RBFOX1: variants seen among roughly 807,000 people sequenced by gnomAD.
RBFOX1 encodes the protein RNA binding protein fox-1 homolog 1.
RBFOX1 carries 8 observed loss-of-function variants against 57.7 expected under a neutral mutation model. The ratio of observed to expected loss-of-function variants is 0.14; its 90% CI spans 0.08 to 0.25. The LOEUF is 0.25. Ranked by LOEUF, RBFOX1 falls within the 10% of genes least tolerant of loss-of-function variation. The pLI, the probability that RBFOX1 is intolerant of heterozygous loss-of-function variation, is 1.00. For missense variants in RBFOX1, 611 were observed against 548.5 expected (o/e 1.11, Z -1.14); for synonymous variants, 326 against 222.4 (o/e 1.47, Z -4.15).
Position 7,104,080 on chromosome 16 carries a change from A to G in RBFOX1, c.27+51982A>G, listed in dbSNP as rs549983692. ...GTTCGTTACTAAAAGCAATCCTGCA[A>G]TCCCACAGATGTCAGAATAGTAATT... On this transcript the variant is annotated intron_variant, in intron 4 of 15. Transcript: ENST00000550418. 3.3e-5 allele frequency among the ~76,000 whole-genome samples: 5 copies of G among 152,312 alleles called. No individual in the cohort carries two copies. In the East Asian group the frequency reaches 7.7e-4, roughly 23 times the overall value.
At chr16:5,786,341 A>T (rs1159790962) in intron 3 of RBFOX1, among the ~76,000 whole-genome samples, 1 of 152,032 alleles carries the variant, frequency 6.6e-6, no homozygotes, top group Non-Finnish European at 1.5e-5. Flanking sequence ...GGGCCCTTCC[A>T]GCTGTCCCTT....
At chr16:5,339,244 G>T (rs939396861) in intron 1 of RBFOX1, among the ~76,000 whole-genome samples, 1 of 151,964 alleles carries the variant, frequency 6.6e-6, no homozygotes. Context: ...ACATATCCAT[G>T]ATATTCCAGT....
chr16:6,480,224 T>A (rs2095351541), intron 2 of RBFOX1, among the ~76,000 whole-genome samples: 1 of 152,208 alleles, frequency 6.6e-6, no homozygotes, highest in Non-Finnish European at 1.5e-5. Flanking sequence ...GATACACATG[T>A]ACACACATAT....
chr16:7,526,512 C>G (rs1028507846), intron 5 of RBFOX1, among the ~76,000 whole-genome samples: 3 of 152,146 alleles, frequency 2.0e-5, no homozygotes, highest in Non-Finnish European at 4.4e-5. Context: ...GATCTCCTCC[C>G]TTTTTTCTTC....
chr16:6,804,013 T>C (rs1432933090), intron 3 of RBFOX1, among the ~76,000 whole-genome samples: 2 of 150,902 alleles, frequency 1.3e-5, no homozygotes, highest in Non-Finnish European at 3.0e-5. Flanking sequence ...CTCATACAAT[T>C]TTTTTTTTTT....
intron 3 of RBFOX1, among the ~76,000 whole-genome samples, chr16:5,687,142 C>G (rs976556303): frequency 4.6e-5 from 7 of 152,094 alleles, no homozygotes; most frequent in South Asian, 2.1e-4. Context: ...TATAGCAATG[C>G]AAAATGGACT....
At chr16:5,784,109 A>C (rs1285389084) in intron 3 of RBFOX1, among the ~76,000 whole-genome samples, 1 of 152,140 alleles carries the variant, frequency 6.6e-6, no homozygotes, top group Non-Finnish European at 1.5e-5. Context: ...GGAAACCTAC[A>C]CTCACGGCAG....
chr16:5,957,106 C>G (rs2059658728), intron 4 of RBFOX1, among the ~76,000 whole-genome samples: 1 of 152,198 alleles, frequency 6.6e-6, no homozygotes, highest in Admixed American at 6.5e-5. Context: ...CGAAGAGCCA[C>G]TTATTAAATG....
chr16:7,642,709 C>A (rs184001221), intron 11 of RBFOX1, among the ~76,000 whole-genome samples: 10 of 151,864 alleles, frequency 6.6e-5, no homozygotes, highest in African/African-American at 2.4e-4. Flanking sequence ...CCGTGGTTTC[C>A]CGGGAAACAA....
At chr16:6,011,852 GATC>G (rs2094963059) in intron 4 of RBFOX1, among the ~76,000 whole-genome samples, 1 of 152,176 alleles carries the variant, frequency 6.6e-6, no homozygotes, top group Non-Finnish European at 1.5e-5. Context: ...GGACAGTGGT[GATC>G]TTGTCATCTT....
exon 1 of RBFOX1, chr16:5,240,086 C>G (rs758223762): frequency 5.2e-6 from 8 of 1,530,092 alleles, no homozygotes; most frequent in Admixed American, 2.0e-5. Context: ...GGCACCCAGA[C>G]AGGTGGCGAC....
At chr16:7,624,223 T>C (rs527863248) in intron 10 of RBFOX1, among the ~76,000 whole-genome samples, 1 of 152,232 alleles carries the variant, frequency 6.6e-6, no homozygotes, top group Non-Finnish European at 1.5e-5. Context: ...GCTTTTTCTT[T>C]ATGTAGAATC....
chr16:6,982,068 T>C (rs969206652), intron 3 of RBFOX1, among the ~76,000 whole-genome samples: 1 of 152,228 alleles, frequency 6.6e-6, no homozygotes, highest in African/African-American at 2.4e-5. Flanking sequence ...TTTCATGATA[T>C]ACTCATGTTG....
intron 3 of RBFOX1, among the ~76,000 whole-genome samples, chr16:6,801,148 T>C (rs1024921546): frequency 6.7e-6 from 1 of 150,184 alleles, no homozygotes; most frequent in African/African-American, 2.5e-5. Flanking sequence ...TCCTAGGTGA[T>C]GTTGATGTCT....
intron 5 of RBFOX1, among the ~76,000 whole-genome samples, chr16:7,532,076 C>G (rs1212293388): frequency 6.6e-6 from 1 of 151,574 alleles, no homozygotes; most frequent in Non-Finnish European, 1.5e-5. Context: ...TATATTGTTA[C>G]ACTATAATTT....
At chr16:7,520,450 C>A (rs569394407) in intron 5 of RBFOX1, among the ~76,000 whole-genome samples, 3 of 152,294 alleles carry the variant, frequency 2.0e-5, no homozygotes, top group African/African-American at 7.2e-5. Context: ...CGGCCCCTGG[C>A]AACCACCAAT....
intron 3 of RBFOX1, among the ~76,000 whole-genome samples, chr16:6,971,436 G>C (rs2085515142): frequency 6.6e-6 from 1 of 151,982 alleles, no homozygotes; most frequent in Non-Finnish European, 1.5e-5. Context: ...GATGGGTTTG[G>C]AGGGGTTGGC....
chr16:6,926,421 C>T (rs1423811675), intron 3 of RBFOX1, among the ~76,000 whole-genome samples: 2 of 152,192 alleles, frequency 1.3e-5, no homozygotes, highest in African/African-American at 4.8e-5. Context: ...CACAGCAGGC[C>T]TCAGAATTTC....
chr16:7,238,626 C>G (rs890918546), intron 4 of RBFOX1, among the ~76,000 whole-genome samples: 3 of 152,112 alleles, frequency 2.0e-5, no homozygotes, highest in African/African-American at 7.2e-5. Context: ...ATATGCATTT[C>G]TTTCTCTCTT....
Sources: allele counts gnomAD v4.1 joint callset (sites outside exome capture counted in the v4.1 genomes callset), GRCh38; gene constraint gnomAD v4.1.1; transcripts MANE v1.5; gene names NCBI Gene and HGNC (gene_info 2026-07-23, HGNC 2026-07-21).